Variants in STRIP1 observed in about 807,000 individuals in gnomAD.
STRIP1 encodes the protein striatin-interacting protein 1.
STRIP1 carries 63 observed loss-of-function variants against 106.2 expected under a neutral mutation model. That is an observed-to-expected ratio of 0.59 (90% CI 0.48 to 0.73). The LOEUF is 0.73. STRIP1 is among the 30% of genes least tolerant of loss of function. The probability of loss-of-function intolerance (pLI) is 0.00; values close to 1 mark genes in which losing one functional copy is unlikely to be tolerated. For synonymous variants in STRIP1, 390 were observed against 413.0 expected, an observed-to-expected ratio of 0.94 and a Z score of 0.67; for missense variants, 857 against 1,074.8, an observed-to-expected ratio of 0.80 and a Z score of 2.83.
At chr1:110,046,653 C>G in intron 12 of STRIP1, 27 bp from the exon 13 acceptor site, 1 of 1,608,330 alleles carries the variant, frequency 6.2e-7, no homozygotes, top group Non-Finnish European at 8.5e-7. Context: ...TTTTCCCCAG[C>G]CCTTCTTTTC....
chr1:110,048,492 A>G (rs1653137429), intron 15 of STRIP1, among the ~76,000 whole-genome samples: 1 of 152,198 alleles, frequency 6.6e-6, no homozygotes, highest in South Asian at 2.1e-4. Context: ...GTGGCCCCGG[A>G]GTATGGCAGT....
chr1:110,048,087 T>C, intron 15 of STRIP1: 1 of 533,338 alleles, frequency 1.9e-6, no homozygotes, highest in East Asian at 3.2e-5. Flanking sequence ...ACTCTACCAC[T>C]GAGCAAACTC....
intron 20 of STRIP1, among the ~76,000 whole-genome samples, chr1:110,052,268 T>A (rs1336323682): frequency 6.6e-6 from 1 of 152,122 alleles, no homozygotes; most frequent in East Asian, 1.9e-4. Context: ...AGTGATCCTT[T>A]TTTACTTTGA....
In STRIP1 at chr1:110,040,608, G is replaced by T. The variant is rs1406700761; in HGVS notation, c.582-27G>T. On this transcript the variant is annotated intron_variant, in intron 5 of 20. Transcript: ENST00000369795. Reference sequence around the variant, plus strand: ...TCACTTATCTTCCTTCTTGGAGGAAGATGCTGACTCTCAAAATCTCCTGCA... The same window carrying T: ...TCACTTATCTTCCTTCTTGGAGGAATATGCTGACTCTCAAAATCTCCTGCA... 20 of 1,600,198 alleles carry T rather than the reference G, an allele frequency of 1.2e-5. No homozygotes were observed. In the East Asian group the frequency reaches 4.5e-4, roughly 36 times the overall value.
At chr1:110,034,595 G>A (rs188420033), upstream of STRIP1, 78 of 1,468,458 alleles carry the variant, frequency 5.3e-5, no homozygotes, top group Non-Finnish European at 6.1e-5. Flanking sequence ...GTTGCATCAC[G>A]GCGGCTGTGC....
At chr1:110,032,472 G>A (rs1332478645), upstream of STRIP1, among the ~76,000 whole-genome samples, 1 of 152,130 alleles carries the variant, frequency 6.6e-6, no homozygotes, top group Non-Finnish European at 1.5e-5. Flanking sequence ...TGCCTTTAAG[G>A]ATTTCACAGT....
Position 110,046,599 on chromosome 1 carries a change from G to A in STRIP1, c.1417-81G>A. On this transcript the variant is annotated intron_variant, in intron 12 of 20. Transcript: ENST00000369795. The stretch of plus-strand genomic sequence containing the variant: ...CAGAAGACTGTGTTTGAAGACAAAT[G>A]TGTGGGGATTTTGCTAGAGTGCAGG... The A allele has an allele frequency of 2.4e-6, 3 of 1,237,968 alleles. No individual in the cohort carries two copies. In the South Asian group the frequency reaches 3.6e-5, roughly 15 times the overall value. 76.7% of individuals were successfully genotyped at this position (1,237,968 alleles called of 1,614,324 possible).
chr1:110,047,057 AG>A (rs1011201163), intron 13 of STRIP1, among the ~76,000 whole-genome samples: 6 of 152,030 alleles, frequency 3.9e-5, no homozygotes, highest in African/African-American at 1.4e-4. Flanking sequence ...CAAAAAAAAA[AG>A]TTAGAGGTCC....
At chr1:110,048,810 A>G (rs776138293) in intron 15 of STRIP1, among the ~76,000 whole-genome samples, 9 of 152,264 alleles carry the variant, frequency 5.9e-5, no homozygotes, top group Non-Finnish European at 1.2e-4. Flanking sequence ...ACTCAGGTTA[A>G]TATGGCAGCA....
upstream of STRIP1, among the ~76,000 whole-genome samples, chr1:110,031,899 A>ATT (rs201513805): frequency 2.9e-4 from 39 of 132,428 alleles, no homozygotes; most frequent in Middle Eastern, 3.7e-3. Context: ...TTTTAATTTG[A>ATT]TTTTTTTTTT....
At position 110,054,493 on chromosome 1, in the gene STRIP1, G is replaced by C; in HGVS notation, c.*581G>C. The C allele has an allele frequency of 6.5e-6, 1 of 153,364 alleles. No individual in the cohort carries two copies. The highest frequency in any genetic ancestry group is 1.9e-4 in the East Asian group (1 of 5,200). 9.5% of individuals were successfully genotyped at this position (153,364 alleles called of 1,614,324 possible). A position where few individuals can be genotyped will look rare whatever the true frequency, so the allele number is the denominator to read the frequency against. ...TTTGGACAGGGACAAGGTAGGAAGA[G>C]AAGCTTCCCTTAACCAGAGGGGCCA... On this transcript the variant is annotated 3_prime_UTR_variant, in exon 21 of 21. Transcript: ENST00000369795.
chr1:110,042,551 G>A (rs190998279), intron 8 of STRIP1, among the ~76,000 whole-genome samples: 6 of 152,238 alleles, frequency 3.9e-5, no homozygotes, highest in African/African-American at 4.8e-5. Flanking sequence ...CACACATTCT[G>A]TTCTTCATAA....
intron 2 of STRIP1, 181 bp downstream of exon 2, chr1:110,038,141 C>T (rs1318582061): frequency 1.2e-5 from 2 of 160,194 alleles, no homozygotes; most frequent in African/African-American, 3.0e-5. Context: ...TGATTCAAGC[C>T]TTGTGTATCT....
At chr1:110,035,292 G>C (rs1001758098) in intron 1 of STRIP1, among the ~76,000 whole-genome samples, 1 of 152,192 alleles carries the variant, frequency 6.6e-6, no homozygotes, top group African/African-American at 2.4e-5. Flanking sequence ...GCGCCGGCGA[G>C]GATCTGGAAG....
intron 16 of STRIP1, 37 bp from the exon 17 acceptor site, chr1:110,049,423 C>T (rs564194204): frequency 5.1e-5 from 70 of 1,369,104 alleles, no homozygotes; most frequent in Admixed American, 3.9e-4. Context: ...CCAAGGGCCG[C>T]GCCTTTTTTT....
intron 3 of STRIP1, 37 bp downstream of exon 3, chr1:110,038,794 C>A: frequency 6.3e-7 from 1 of 1,584,784 alleles, no homozygotes; most frequent in Non-Finnish European, 8.7e-7. Context: ...TTCCTTTGCC[C>A]TGCATAACGA....
intron 3 of STRIP1, 125 bp from the exon 4 acceptor site, chr1:110,039,047 A>G: frequency 9.1e-7 from 1 of 1,095,582 alleles, no homozygotes; most frequent in Non-Finnish European, 1.3e-6. Flanking sequence ...TGATCTTACC[A>G]CTTACATAGG....
At position 110,034,650 on chromosome 1, in the gene STRIP1, G is replaced by A. The variant is rs1652344930; in HGVS notation, c.13G>A (p.Val5Ile). 6.6e-7 allele frequency: 1 copy of A among 1,521,740 alleles called. No homozygotes were observed. The highest frequency in any genetic ancestry group is 8.8e-7 in the Non-Finnish European group (1 of 1,135,708). 94.3% of individuals were successfully genotyped at this position (1,521,740 alleles called of 1,614,324 possible). MEPA[V>I]GGPGPLIVNN... ...TGGAGCAGCCAAGATGGAGCCGGCA[G>A]TCGGCGGTCCGGGCCCACTGATCGT... The change falls in exon 1 of 21, where the codon GTC (valine) becomes ATC (isoleucine). Residue 5 changes from valine (V) to isoleucine (I), a missense_variant. Around this residue, in one of 2 missense-constraint regions of STRIP1, gnomAD observed 107 missense variants for 85.1 expected, o/e 1.26. Coordinates refer to ENST00000369795, the MANE Select transcript of STRIP1 (RefSeq NM_033088.4).
intron 3 of STRIP1, 116 bp downstream of exon 3, chr1:110,038,873 A>C: frequency 1.0e-6 from 1 of 967,568 alleles, no homozygotes. Context: ...AAGCCTGCTG[A>C]ACCCTGATGG....
Sources: allele counts gnomAD v4.1 joint callset (sites outside exome capture counted in the v4.1 genomes callset), GRCh38; gene constraint gnomAD v4.1.1; regional missense constraint gnomAD v4.1.1; transcripts MANE v1.5; gene names NCBI Gene and HGNC (gene_info 2026-07-23, HGNC 2026-07-21).